The following DNM3 variants were observed in gnomAD, a reference collection of about 807,000 sequenced individuals.
The protein encoded by DNM3 is dynamin 3, also known as dynamin-3.
A neutral mutation model predicts 101.6 loss-of-function variants in DNM3; 47 were observed. The ratio of observed to expected loss-of-function variants is 0.46; its 90% CI spans 0.37 to 0.59. DNM3 has a LOEUF of 0.59. DNM3 is among the 20% of genes least tolerant of loss of function. The pLI is 0.00. For synonymous variants in DNM3, 385 were observed against 387.9 expected (o/e 0.99, Z 0.09); for missense variants, 849 against 1,085.7 (o/e 0.78, Z 3.06).
At chr1:171,879,602 T>C (rs1254256039) in intron 1 of DNM3, among the ~76,000 whole-genome samples, 3 of 152,182 alleles carry the variant, frequency 2.0e-5, no homozygotes, top group Non-Finnish European at 4.4e-5. Flanking sequence ...AATCTAATCA[T>C]TGGACTCTAG....
At chr1:172,069,068 C>T (rs1406852233) in intron 11 of DNM3, among the ~76,000 whole-genome samples, 163 bp downstream of exon 11, 1 of 152,146 alleles carries the variant, frequency 6.6e-6, no homozygotes, top group Non-Finnish European at 1.5e-5. Flanking sequence ...GAATTATACA[C>T]ATACTATATT....
At chr1:172,080,220 C>T (rs926934937) in intron 11 of DNM3, among the ~76,000 whole-genome samples, 4 of 152,158 alleles carry the variant, frequency 2.6e-5, no homozygotes, top group Non-Finnish European at 4.4e-5. Context: ...AAGTTGCACC[C>T]ACAGCTGCCC....
intron 2 of DNM3, among the ~76,000 whole-genome samples, chr1:171,958,549 A>G (rs2043008142): frequency 6.6e-6 from 1 of 152,156 alleles, no homozygotes; most frequent in African/African-American, 2.4e-5. Flanking sequence ...GGGATACACA[A>G]GGAGCTCGTG....
chr1:172,160,938 C>T (rs996458830), intron 14 of DNM3, among the ~76,000 whole-genome samples: 3 of 151,758 alleles, frequency 2.0e-5, no homozygotes, highest in Admixed American at 1.3e-4. Context: ...TATGGTACCA[C>T]CATTGTATAT....
chr1:172,308,396 G>T (rs1239898582), intron 15 of DNM3, among the ~76,000 whole-genome samples: 1 of 152,114 alleles, frequency 6.6e-6, no homozygotes, highest in Non-Finnish European at 1.5e-5. Flanking sequence ...TGATCTAGCG[G>T]CTGAGCAATA....
intron 1 of DNM3, among the ~76,000 whole-genome samples, chr1:171,854,881 T>G (rs1190175210): frequency 6.6e-6 from 1 of 152,124 alleles, no homozygotes; most frequent in Non-Finnish European, 1.5e-5. Flanking sequence ...TTTTCCTTTT[T>G]TAAAAATTAT....
At chr1:172,375,062 C>T (rs2068531062) in intron 17 of DNM3, among the ~76,000 whole-genome samples, 1 of 151,996 alleles carries the variant, frequency 6.6e-6, no homozygotes, top group South Asian at 2.1e-4. Flanking sequence ...ATAGATTACT[C>T]TTGTGTCATT....
intron 14 of DNM3, among the ~76,000 whole-genome samples, chr1:172,223,609 A>G (rs1232108093): frequency 6.6e-6 from 1 of 152,150 alleles, no homozygotes; most frequent in African/African-American, 2.4e-5. Flanking sequence ...CACTGAACCC[A>G]TGACTTGCCT....
At chr1:171,976,150 G>A (rs1291958165) in intron 2 of DNM3, among the ~76,000 whole-genome samples, 1 of 152,128 alleles carries the variant, frequency 6.6e-6, no homozygotes, top group Non-Finnish European at 1.5e-5. Context: ...TTCCAACAAA[G>A]GTTACTGGAA....
chr1:172,369,251 C>T (rs923349631), intron 17 of DNM3, among the ~76,000 whole-genome samples: 3 of 151,844 alleles, frequency 2.0e-5, no homozygotes. Context: ...CTGAATACTA[C>T]AGCATATCAA....
chr1:172,391,091 A>G (rs1022083757), intron 20 of DNM3, among the ~76,000 whole-genome samples: 2 of 152,242 alleles, frequency 1.3e-5, no homozygotes, highest in African/African-American at 4.8e-5. Context: ...GATGGCCGGC[A>G]CATGGGCAGC....
rs112144209 is a variant in DNM3 at position 171,937,266 on chromosome 1, C to A, written c.235+15445C>A. Among the ~76,000 whole-genome samples the A allele has an allele frequency of 1.9e-3, 286 of 151,726 alleles. 1 individual carries two copies. Among genetic ancestry groups the A allele is most frequent in the African/African-American group, 6.7e-3 (278 of 41,414 alleles). On this transcript the variant is annotated intron_variant, in intron 2 of 20. Coordinates refer to ENST00000627582, the MANE Select transcript of DNM3 (RefSeq NM_015569.5). ...TTTAGAATAAGATAATCTGCTTTTG[C>A]AAAGGATTTATGTTTTTTTTTTTCC...
chr1:171,965,595 G>A (rs543167541), intron 2 of DNM3, among the ~76,000 whole-genome samples: 226 of 151,958 alleles, frequency 1.5e-3, no homozygotes, highest in African/African-American at 5.2e-3. Flanking sequence ...TATTATAAAG[G>A]ATACAGATGA....
chr1:172,021,664 G>C (rs1018390667), intron 4 of DNM3, among the ~76,000 whole-genome samples: 8 of 152,122 alleles, frequency 5.3e-5, no homozygotes, highest in African/African-American at 1.9e-4. Flanking sequence ...CAGGCAGTCT[G>C]ATCCCTGAGT....
intron 14 of DNM3, among the ~76,000 whole-genome samples, chr1:172,238,438 C>G (rs1314299944): frequency 2.0e-5 from 3 of 152,186 alleles, no homozygotes. Flanking sequence ...AAGGACTGAA[C>G]GACTCAACTT....
intron 13 of DNM3, among the ~76,000 whole-genome samples, chr1:172,120,731 A>C (rs940472686): frequency 7.9e-5 from 12 of 152,196 alleles, no homozygotes; most frequent in African/African-American, 2.9e-4. Context: ...CTGTTCATGT[A>C]AGGAACCACT....
chr1:172,067,609 T>G (rs2051792640), intron 10 of DNM3, among the ~76,000 whole-genome samples: 1 of 152,154 alleles, frequency 6.6e-6, no homozygotes, highest in Non-Finnish European at 1.5e-5. Context: ...CCACGGCCAT[T>G]CTCACACACC....
intron 6 of DNM3, among the ~76,000 whole-genome samples, chr1:172,034,261 T>C (rs1157022117): frequency 2.0e-5 from 3 of 152,246 alleles, no homozygotes; most frequent in Non-Finnish European, 4.4e-5. Context: ...ATTTGGACAC[T>C]AGGAAACATC....
intron 4 of DNM3, among the ~76,000 whole-genome samples, chr1:172,027,121 G>A (rs1391316309): frequency 6.6e-6 from 1 of 152,114 alleles, no homozygotes; most frequent in Admixed American, 6.6e-5. Flanking sequence ...AGGAACAACT[G>A]ATACCAGCCA....
Sources: allele counts gnomAD v4.1 joint callset (sites outside exome capture counted in the v4.1 genomes callset), GRCh38; gene constraint gnomAD v4.1.1; transcripts MANE v1.5; gene names NCBI Gene and HGNC (gene_info 2026-07-23, HGNC 2026-07-21).